Variants in PCDHGA1 observed in about 807,000 individuals in gnomAD.
PCDHGA1 encodes protocadherin gamma-A1.
A neutral mutation model predicts 58.0 loss-of-function variants in PCDHGA1; 32 were observed. That is an observed-to-expected ratio of 0.55 (90% CI 0.42 to 0.74). The LOEUF (loss-of-function observed/expected upper bound fraction) is 0.74. PCDHGA1 is among the 30% of genes least tolerant of loss of function. The probability of loss-of-function intolerance (pLI) is 0.00; values close to 1 mark genes in which losing one functional copy is unlikely to be tolerated. For missense variants in PCDHGA1, 1,205 were observed against 1,182.3 expected (o/e 1.02, Z -0.28); for synonymous variants, 498 against 501.1 (o/e 0.99, Z 0.08).
chr5:141,387,923 G>T lies in PCDHGA1; in HGVS notation c.2421+54818G>T, dbSNP rs2091157364. The T allele has an allele frequency of 2.7e-6, 4 of 1,475,394 alleles. No individual in the cohort carries two copies. In the Admixed American group the frequency reaches 1.1e-4, roughly 39 times the overall value. 91.4% of individuals were successfully genotyped at this position (1,475,394 alleles called of 1,614,324 possible). On this transcript the variant is annotated intron_variant, in intron 1 of 3. Coordinates refer to ENST00000517417, the MANE Select transcript of PCDHGA1 (RefSeq NM_018912.3). ...CCGGGGAGCTGGGCCGGGCTGAGAG[G>T]CTGCCAGTGCTCTTTCTCTTCCTGC...
intron 1 of PCDHGA1, among the ~76,000 whole-genome samples, chr5:141,363,216 T>A (rs1186029128): frequency 6.6e-6 from 1 of 152,230 alleles, no homozygotes; most frequent in African/African-American, 2.4e-5. Context: ...TTGAGAAAAA[T>A]CTTACAACCT....
At chr5:141,456,171 A>ACAGGCG (rs1443838766) in intron 1 of PCDHGA1, among the ~76,000 whole-genome samples, 2 of 152,096 alleles carry the variant, frequency 1.3e-5, no homozygotes, top group East Asian at 3.9e-4. Flanking sequence ...TGCTGGGATT[A>ACAGGCG]CAGAATAATT....
At chr5:141,448,990 T>C (rs1419678645) in intron 1 of PCDHGA1, among the ~76,000 whole-genome samples, 1 of 152,070 alleles carries the variant, frequency 6.6e-6, no homozygotes, top group Non-Finnish European at 1.5e-5. Flanking sequence ...TATTAATATA[T>C]AGAAAGCTGT....
At chr5:141,399,509 A>G in intron 1 of PCDHGA1, 13 of 1,613,968 alleles carry the variant, frequency 8.1e-6, no homozygotes, top group Non-Finnish European at 1.1e-5. Flanking sequence ...CCCGAAAACA[A>G]CCCTCCTGGG....
intron 3 of PCDHGA1, among the ~76,000 whole-genome samples, chr5:141,508,848 TC>T (rs1390332366): frequency 6.6e-5 from 10 of 151,752 alleles, no homozygotes. Context: ...CCCCTTCCAT[TC>T]CCAGGCTGGG....
Position 141,374,021 on chromosome 5 carries a change from C to G in PCDHGA1, c.2421+40916C>G. 3 of 1,406,168 alleles carry G rather than the reference C, an allele frequency of 2.1e-6. No homozygotes were observed. In the South Asian group the frequency reaches 5.2e-5, roughly 24 times the overall value. The allele number at this position is 1,406,168 out of a possible 1,614,324, so 87.1% of individuals were successfully genotyped here. The stretch of plus-strand genomic sequence containing the variant: ...CCTTCACCGCTATTTCTGAGAAGAG[C>G]AAAAGTGATGCAGATCTGTTCTTCC... On this transcript the variant is annotated intron_variant, in intron 1 of 3. Transcript: ENST00000517417.
chr5:141,365,280 TG>T, intron 1 of PCDHGA1: 2 of 1,614,018 alleles, frequency 1.2e-6, no homozygotes. Flanking sequence ...TTCTACCTCA[TG>T]GAAGTGGTAG....
chr5:141,340,139 C>T (rs1756910377), intron 1 of PCDHGA1: 3 of 1,614,216 alleles, frequency 1.9e-6, no homozygotes, highest in Non-Finnish European at 1.7e-6. Context: ...CCCCGAGGAT[C>T]TTCCTTTTAA....
chr5:141,399,071 T>C (rs2093748237), intron 1 of PCDHGA1: 1 of 1,613,808 alleles, frequency 6.2e-7, no homozygotes. Flanking sequence ...TCAATGGTTG[T>C]AGAAGGGAGG....
At chr5:141,467,941 G>A (rs1173095290) in intron 1 of PCDHGA1, among the ~76,000 whole-genome samples, 4 of 151,984 alleles carry the variant, frequency 2.6e-5, no homozygotes, top group Admixed American at 2.6e-4. Context: ...TTACAAGCAT[G>A]AGCCACCACA....
rs2099670287 is a variant in PCDHGA1, at chr5:141,487,983, TC to T, written c.2422-6822del. Among the ~76,000 whole-genome samples, 3 of 152,290 alleles carry T rather than the reference TC, an allele frequency of 2.0e-5. No individual in the cohort carries two copies. The South Asian group carries it at 6.2e-4, about 32-fold the overall frequency. ...CAAAGGTGGCTGTTTTCTCTACTCT[TC>T]CTGAAAGAGGGGATCAGATTCTGAA... On this transcript the variant is annotated intron_variant, in intron 1 of 3. Coordinates refer to ENST00000517417, the MANE Select transcript of PCDHGA1 (RefSeq NM_018912.3). This position sits in a 1 kb window ranked among gnomAD's most constrained non-coding sequence, Gnocchi z 5.0.
intron 1 of PCDHGA1, chr5:141,408,141 C>G: frequency 1.3e-6 from 2 of 1,492,116 alleles, no homozygotes; most frequent in Non-Finnish European, 1.8e-6. Context: ...GCTCTTTTAG[C>G]GCGGTAGAGT....
At chr5:141,383,126 C>A in intron 1 of PCDHGA1, 1 of 1,614,062 alleles carries the variant, frequency 6.2e-7, no homozygotes, top group East Asian at 2.2e-5. Context: ...CAGCTTTTCG[C>A]CCTGAACCAG....
At position 141,379,889 on chromosome 5, in the gene PCDHGA1, C is replaced by CTTTTTTTTTTTTTTTTTT. The variant is rs70988800; in HGVS notation, c.2421+46797_2421+46814dup. On this transcript the variant is annotated intron_variant, in intron 1 of 3. Coordinates refer to ENST00000517417, the MANE Select transcript of PCDHGA1 (RefSeq NM_018912.3). ...CTTATTTTATGGTCTGTGAAAGCCT[C>CTTTTTTTTTTTTTTTTTT]TTTTTTTTTTTTTTTTTTTTTTTTT... is the stretch of plus-strand genomic sequence containing the variant. Among the ~76,000 whole-genome samples the CTTTTTTTTTTTTTTTTTT allele has an allele frequency of 4.1e-3, 211 of 50,852 alleles. 27 individuals are homozygous for CTTTTTTTTTTTTTTTTTT. The highest frequency in any genetic ancestry group is 6.1e-3 in the Non-Finnish European group (157 of 25,898). 33.4% of individuals were successfully genotyped at this position (50,852 alleles called of 152,430 possible). A position where few individuals can be genotyped will look rare whatever the true frequency, so the allele number is the denominator to read the frequency against.
Position 141,486,902 on chromosome 5 carries a change from C to T in PCDHGA1, c.2422-7905C>T, listed in dbSNP as rs2099636761. On this transcript the variant is annotated intron_variant, in intron 1 of 3. Transcript: ENST00000517417. This position sits in a 1 kb window ranked among gnomAD's most constrained non-coding sequence, Gnocchi z 5.0. ...TCGGGCCCGGCCTGGTTCCTTATGT[C>T]CCCAAGCACTGCCTCCATCAGTTGG... 1 of 1,614,226 alleles carries T rather than the reference C, an allele frequency of 6.2e-7. No individual in the cohort carries two copies. The highest frequency in any genetic ancestry group is 8.5e-7 in the Non-Finnish European group (1 of 1,180,044).
Position 141,447,179 on chromosome 5 carries a change from G to A in PCDHGA1, c.2422-47628G>A, listed in dbSNP as rs558348683. ...GTTTAAGCGGGGTCTTGCTCTTGTC[G>A]CGCAGGCTGGAGTGCAATGGCTTGA... On this transcript the variant is annotated intron_variant, in intron 1 of 3. Transcript: ENST00000517417. 4.6e-4 allele frequency among the ~76,000 whole-genome samples: 70 copies of A among 151,826 alleles called. 1 individual carries two copies. The highest frequency in any genetic ancestry group is 3.9e-4 in the East Asian group (2 of 5,158).
chr5:141,415,147 C>T (rs779194230), intron 1 of PCDHGA1: 17 of 1,613,668 alleles, frequency 1.1e-5, no homozygotes, highest in African/African-American at 1.3e-5. Context: ...CCAGCCCCCT[C>T]TCTCCGCCAC....
At chr5:141,385,488 T>C in intron 1 of PCDHGA1, 1 of 1,400,248 alleles carries the variant, frequency 7.1e-7, no homozygotes, top group Non-Finnish European at 9.3e-7. Context: ...ATAGAACACA[T>C]AGGATATAGT....
rs192227219 is a variant in PCDHGA1 at position 141,501,899 on chromosome 5, A to G, written c.2481-3494A>G. Among the ~76,000 whole-genome samples the G allele has an allele frequency of 1.0e-3, 159 of 152,024 alleles. 1 individual carries two copies. The highest frequency in any genetic ancestry group is 6.8e-3 in the Middle Eastern group (2 of 294). ...TACACTCCTGATCATCATGGTTCCA[A>G]CCCCACTGTTCCACTCAGCTTTGTT... is the stretch of plus-strand genomic sequence containing the variant. On this transcript the variant is annotated intron_variant, in intron 2 of 3. Transcript: ENST00000517417.
Sources: gnomAD v4.1 joint callset for allele counts (sites outside exome capture counted in the v4.1 genomes callset) on GRCh38, gnomAD v4.1.1 for gene constraint, Gnocchi (gnomAD v3.1) non-coding constraint, MANE v1.5 for transcripts, NCBI Gene and HGNC (gene_info 2026-07-23, HGNC 2026-07-21) for gene names.